The following SERPINB12 variants were observed in gnomAD, a reference collection of about 807,000 sequenced individuals.
SERPINB12 encodes serpin family B member 12.
SERPINB12 carries 57 observed loss-of-function variants against 41.1 expected under a neutral mutation model. The observed-to-expected ratio is 1.39, with a 90% CI of 1.12 to 1.73. SERPINB12 has a LOEUF of 1.73. Among genes scored for constraint, SERPINB12 ranks in the 40% most tolerant of loss-of-function variants. The pLI is 0.00. For synonymous variants in SERPINB12, 180 were observed against 181.3 expected (o/e 0.99, Z 0.06); for missense variants, 536 against 501.9 (o/e 1.07, Z -0.65).
chr18:63,552,808 C>G (rs954927395), intron 1 of SERPINB12, among the ~76,000 whole-genome samples: 1 of 152,136 alleles, frequency 6.6e-6, no homozygotes, highest in Non-Finnish European at 1.5e-5. Flanking sequence ...CCCCCACCCC[C>G]CAAAATAACC....
the SERPINB12 span, among the ~76,000 whole-genome samples, chr18:63,521,615 A>C: frequency 9.8e-3 from 1,496 of 151,970 alleles, 19 homozygotes; most frequent in African/African-American, 0.033. Context: ...TATCTTGCCC[A>C]AAAAAAAGGT....
At chr18:63,525,752 G>A in the SERPINB12 span, among the ~76,000 whole-genome samples, 9 of 152,100 alleles carry the variant, frequency 5.9e-5, no homozygotes, top group South Asian at 6.2e-4. Flanking sequence ...TCAACAGGTC[G>A]AGTCATTATT....
chr18:63,542,874 T>G (rs1463078722), intron 1 of SERPINB12, among the ~76,000 whole-genome samples: 5 of 152,200 alleles, frequency 3.3e-5, no homozygotes, highest in African/African-American at 9.7e-5. Context: ...CTCCCACTTA[T>G]AAGTTAGAAC....
the SERPINB12 span, among the ~76,000 whole-genome samples, chr18:63,534,140 G>A: frequency 6.6e-6 from 1 of 152,048 alleles, no homozygotes; most frequent in Non-Finnish European, 1.5e-5. Context: ...CAACTCACAG[G>A]CCTTGTTGAA....
upstream of SERPINB12, among the ~76,000 whole-genome samples, chr18:63,541,677 A>C (rs1292239433): frequency 3.3e-5 from 5 of 152,118 alleles, no homozygotes; most frequent in African/African-American, 7.2e-5. Flanking sequence ...AGAGAAGTAG[A>C]GGGAGAAAGA....
Position 63,556,306 on chromosome 18 carries a change from C to G in SERPINB12, c.147C>G (p.Asp49Glu). The change falls in exon 2 of 8, where the codon GAC becomes GAG. Residue 49 changes from aspartate to glutamate, a missense_variant. By Grantham distance (45) the Asp-to-Glu change is conservative. Coordinates refer to ENST00000382768, the MANE Select transcript of SERPINB12 (RefSeq NM_001307928.2). ...LGMVRLGARS[D>E]SAHQIDEVLH... ...TGGTACGCTTGGGTGCTAGAAGTGA[C>G]AGTGCACATCAGATTGATGAGGTAC... 6.2e-7 allele frequency: 1 copy of G among 1,613,942 alleles called. No individual in the cohort carries two copies. Among genetic ancestry groups the G allele is most frequent in the African/African-American group, 1.3e-5 (1 of 75,040 alleles).
chr18:63,530,753 G>A, the SERPINB12 span, among the ~76,000 whole-genome samples: 1 of 152,142 alleles, frequency 6.6e-6, no homozygotes, highest in African/African-American at 2.4e-5. Context: ...TAGGTGATAA[G>A]TACATAATTA....
chr18:63,535,898 TTGA>T, the SERPINB12 span, among the ~76,000 whole-genome samples: 8 of 152,080 alleles, frequency 5.3e-5, no homozygotes, highest in African/African-American at 1.2e-4. Context: ...TTCATGACTA[TTGA>T]TGAATAAGTT....
chr18:63,521,616 A>G, the SERPINB12 span, among the ~76,000 whole-genome samples: 1 of 152,158 alleles, frequency 6.6e-6, no homozygotes, highest in Non-Finnish European at 1.5e-5. Flanking sequence ...ATCTTGCCCA[A>G]AAAAAAGGTA....
the SERPINB12 span, among the ~76,000 whole-genome samples, chr18:63,535,877 A>G: frequency 6.6e-6 from 1 of 152,076 alleles, no homozygotes; most frequent in Non-Finnish European, 1.5e-5. Flanking sequence ...ACACATGCAT[A>G]TATATATGTA....
rs192488348 is a variant in SERPINB12, at chr18:63,561,516, C to T, written c.562+314C>T. Among the ~76,000 whole-genome samples, 80 of 152,308 alleles carry T rather than the reference C, an allele frequency of 5.3e-4. 1 individual carries two copies. The highest frequency in any genetic ancestry group is 1.6e-3 in the African/African-American group (68 of 41,562). On this transcript the variant is annotated intron_variant, in intron 5 of 7. Coordinates refer to ENST00000382768, the MANE Select transcript of SERPINB12 (RefSeq NM_001307928.2). ...TCAGAGTTAAAACAGAGCTGTCATT[C>T]GACCCAGCAATCCCATTACTGAGTA...
chr18:63,519,266 C>T, the SERPINB12 span, among the ~76,000 whole-genome samples: 1 of 152,160 alleles, frequency 6.6e-6, no homozygotes, highest in Non-Finnish European at 1.5e-5. Context: ...ACAGGGACCA[C>T]CCTAGTTTAG....
chr18:63,531,839 G>A, the SERPINB12 span, among the ~76,000 whole-genome samples: 1 of 152,068 alleles, frequency 6.6e-6, no homozygotes, highest in South Asian at 2.1e-4. Context: ...TTTAAATATG[G>A]TTGAGGAAAA....
chr18:63,531,354 C>T, the SERPINB12 span, among the ~76,000 whole-genome samples: 26 of 152,258 alleles, frequency 1.7e-4, no homozygotes, highest in East Asian at 3.1e-3. Context: ...ACCTGGGCCA[C>T]GTCTGTGTTT....
chr18:63,540,347 T>G (rs750169247), upstream of SERPINB12, among the ~76,000 whole-genome samples: 7 of 152,198 alleles, frequency 4.6e-5, no homozygotes, highest in Non-Finnish European at 7.4e-5. Context: ...CACGATGCAT[T>G]CCAGCTTAAA....
chr18:63,539,753 G>A (rs908744236), upstream of SERPINB12, among the ~76,000 whole-genome samples: 1 of 152,114 alleles, frequency 6.6e-6, no homozygotes, highest in African/African-American at 2.4e-5. Context: ...TACCCTCCCA[G>A]AAACCCTCCT....
At chr18:63,528,392 CAATAAATAAATA>C in the SERPINB12 span, among the ~76,000 whole-genome samples, 35 of 144,980 alleles carry the variant, frequency 2.4e-4, 1 homozygote, top group African/African-American at 6.9e-4. Flanking sequence ...TCTCTGAGAG[CAATAAATAAATA>C]AATAAATAAA....
the SERPINB12 span, among the ~76,000 whole-genome samples, chr18:63,522,451 C>T: frequency 6.6e-6 from 1 of 151,994 alleles, no homozygotes; most frequent in Non-Finnish European, 1.5e-5. Flanking sequence ...AAATTGCAAG[C>T]TGTAGATAAA....
the SERPINB12 span, among the ~76,000 whole-genome samples, chr18:63,528,888 G>T: frequency 1.3e-5 from 2 of 152,148 alleles, no homozygotes; most frequent in Non-Finnish European, 2.9e-5. Flanking sequence ...TATACCAAAA[G>T]AGAAGATCCC....
Sources: allele counts gnomAD v4.1 joint callset (sites outside exome capture counted in the v4.1 genomes callset), GRCh38; gene constraint gnomAD v4.1.1; transcripts MANE v1.5; gene names NCBI Gene and HGNC (gene_info 2026-07-23, HGNC 2026-07-21).